Variants in MND1 observed in about 807,000 individuals in gnomAD.
MND1 encodes the protein meiotic nuclear divisions 1.
In MND1, 28 loss-of-function variants were observed where a neutral mutation model predicts 35.1. The observed-to-expected ratio is 0.80, with a 90% CI of 0.59 to 1.09. The LOEUF is 1.09. MND1 is among the 50% of genes least tolerant of loss of function. The pLI is 0.00. For synonymous variants in MND1, 69 were observed against 70.5 expected, an observed-to-expected ratio of 0.98 and a Z score of 0.11; for missense variants, 213 against 239.6, an observed-to-expected ratio of 0.89 and a Z score of 0.73.
intron 4 of MND1, among the ~76,000 whole-genome samples, chr4:153,374,091 T>C (rs1276748252): frequency 6.6e-6 from 1 of 152,188 alleles, no homozygotes; most frequent in Non-Finnish European, 1.5e-5. Context: ...TTTCCTAGTT[T>C]GTGAAAGAAA....
chr4:153,376,644 C>T (rs1372361717), intron 4 of MND1, among the ~76,000 whole-genome samples: 1 of 152,174 alleles, frequency 6.6e-6, no homozygotes, highest in African/African-American at 2.4e-5. Context: ...CCACTACTGA[C>T]TTGAAATGCA....
chr4:153,380,941 C>G (rs945111178), intron 4 of MND1, among the ~76,000 whole-genome samples: 8 of 151,794 alleles, frequency 5.3e-5, no homozygotes, highest in Admixed American at 4.6e-4. Flanking sequence ...GCTCTGTTGC[C>G]CAGGCTGGAG....
At chr4:153,352,746 TAAAAA>T (rs56770218) in intron 2 of MND1, among the ~76,000 whole-genome samples, 13 of 114,998 alleles carry the variant, frequency 1.1e-4, no homozygotes, top group Non-Finnish European at 1.8e-4. Flanking sequence ...GACCCTATCT[TAAAAA>T]AAAAAAAAAA....
intron 1 of MND1, among the ~76,000 whole-genome samples, chr4:153,346,276 A>G (rs1773075389): frequency 6.6e-6 from 1 of 152,202 alleles, no homozygotes; most frequent in Admixed American, 6.5e-5. Context: ...ATAATTCTTC[A>G]TAATTTTATC....
At chr4:153,398,863 A>G (rs1392577766) in intron 6 of MND1, among the ~76,000 whole-genome samples, 1 of 152,232 alleles carries the variant, frequency 6.6e-6, no homozygotes, top group African/African-American at 2.4e-5. Flanking sequence ...CCTCACAGGT[A>G]GAAGGTTACT....
chr4:153,365,446 C>T (rs1393576641), intron 4 of MND1, among the ~76,000 whole-genome samples: 1 of 152,148 alleles, frequency 6.6e-6, no homozygotes, highest in African/African-American at 2.4e-5. Context: ...CTGTTCTAGG[C>T]ACTTGGGATC....
At chr4:153,344,675 T>G (rs71620253), upstream of MND1, 153,807 of 1,480,470 alleles carry the variant, frequency 0.1, 8,677 homozygotes, top group Non-Finnish European at 0.12. Context: ...AAACGCGTCC[T>G]GGCCTGTCCC....
chr4:153,366,918 G>T (rs926388461), intron 4 of MND1, among the ~76,000 whole-genome samples: 13 of 152,280 alleles, frequency 8.5e-5, no homozygotes, highest in Middle Eastern at 3.4e-3. Context: ...CAGTAAGTGT[G>T]GAATTGGGAT....
At chr4:153,345,892 A>T (rs902200925) in intron 1 of MND1, among the ~76,000 whole-genome samples, 5 of 152,206 alleles carry the variant, frequency 3.3e-5, no homozygotes, top group African/African-American at 1.2e-4. Flanking sequence ...TTCTCTGCAG[A>T]GTTGCTGGCC....
intron 7 of MND1, among the ~76,000 whole-genome samples, chr4:153,413,092 A>T (rs115258141): frequency 6.6e-6 from 1 of 152,096 alleles, no homozygotes; most frequent in Non-Finnish European, 1.5e-5. Flanking sequence ...GGCCCACCCC[A>T]ATGACCTCAT....
chr4:153,356,015 A>T (rs1773329608), intron 3 of MND1, among the ~76,000 whole-genome samples: 1 of 152,206 alleles, frequency 6.6e-6, no homozygotes. Context: ...TTAAAAATCT[A>T]GTTGATAAGC....
At chr4:153,401,135 G>C (rs1369955645) in intron 6 of MND1, among the ~76,000 whole-genome samples, 1 of 152,176 alleles carries the variant, frequency 6.6e-6, no homozygotes. Flanking sequence ...AGGCGCAGTG[G>C]CTCACGCCTG....
chr4:153,389,248 G>A (rs1022779137), intron 4 of MND1, among the ~76,000 whole-genome samples: 5 of 152,158 alleles, frequency 3.3e-5, no homozygotes, highest in South Asian at 2.1e-4. Context: ...CCAGGGACCC[G>A]CCTCTATCTG....
chr4:153,411,481 G>A (rs919389056), intron 7 of MND1, among the ~76,000 whole-genome samples: 12 of 152,140 alleles, frequency 7.9e-5, no homozygotes, highest in African/African-American at 2.4e-4. Flanking sequence ...CTTGAAGGCC[G>A]ACATCCAGTG....
chr4:153,375,927 G>T (rs188484507), intron 4 of MND1, among the ~76,000 whole-genome samples: 11 of 152,186 alleles, frequency 7.2e-5, no homozygotes, highest in Admixed American at 7.2e-4. Flanking sequence ...ATGCATTTCT[G>T]AAGACTTTTA....
intron 4 of MND1, among the ~76,000 whole-genome samples, chr4:153,362,621 C>T (rs556417842): frequency 6.3e-4 from 96 of 152,276 alleles, no homozygotes; most frequent in African/African-American, 2.2e-3. Context: ...AATACACATA[C>T]TTAACTTATA....
intron 7 of MND1, among the ~76,000 whole-genome samples, chr4:153,411,544 G>T (rs952262209): frequency 6.6e-6 from 1 of 152,126 alleles, no homozygotes; most frequent in Non-Finnish European, 1.5e-5. Flanking sequence ...ATTAGGCATT[G>T]TTGTGGAGAG....
At chr4:153,352,926 C>T (rs915516920) in intron 2 of MND1, among the ~76,000 whole-genome samples, 9 of 152,004 alleles carry the variant, frequency 5.9e-5, no homozygotes, top group Non-Finnish European at 1.0e-4. Context: ...CTTCAATGAC[C>T]GCACTTGAGT....
chr4:153,362,553 C>A (rs1010062200), intron 4 of MND1, among the ~76,000 whole-genome samples: 13 of 152,264 alleles, frequency 8.5e-5, no homozygotes, highest in African/African-American at 3.1e-4. Flanking sequence ...ACCAATTAAA[C>A]CTCTTTTCTT....
Sources: allele counts gnomAD v4.1 joint callset (sites outside exome capture counted in the v4.1 genomes callset), GRCh38; gene constraint gnomAD v4.1.1; transcripts MANE v1.5; gene names NCBI Gene and HGNC (gene_info 2026-07-23, HGNC 2026-07-21).